The following GABRA1 variants were observed in gnomAD, a reference collection of about 807,000 sequenced individuals.
The protein encoded by GABRA1 is gamma-aminobutyric acid receptor subunit alpha-1.
In GABRA1, 9 loss-of-function variants were observed where a neutral mutation model predicts 48.9. The ratio of observed to expected loss-of-function variants is 0.18; its 90% CI spans 0.11 to 0.32. The LOEUF (loss-of-function observed/expected upper bound fraction) is 0.32, where lower values mean the gene tolerates loss of function less well. Ranked by LOEUF, GABRA1 falls within the 10% of genes least tolerant of loss-of-function variation. GABRA1 has a pLI of 1.00. For synonymous variants in GABRA1, 210 were observed against 198.7 expected, an observed-to-expected ratio of 1.06 and a Z score of -0.48; for missense variants, 285 against 553.8, an observed-to-expected ratio of 0.51 and a Z score of 4.87.
intron 8 of GABRA1, among the ~76,000 whole-genome samples, chr5:161,892,805 C>T (rs2113453142): frequency 6.6e-6 from 1 of 152,022 alleles, no homozygotes; most frequent in Admixed American, 6.5e-5. Flanking sequence ...GAGATCGAGA[C>T]CATCCTGGCC....
intron 3 of GABRA1, among the ~76,000 whole-genome samples, chr5:161,863,112 A>G (rs1561570083): frequency 6.6e-6 from 1 of 151,936 alleles, no homozygotes; most frequent in Non-Finnish European, 1.5e-5. Context: ...GGAAAAACAG[A>G]TACCTGTTGT....
chr5:161,891,100 T>C, intron 8 of GABRA1, 50 bp downstream of exon 8: 1 of 1,539,304 alleles, frequency 6.5e-7, no homozygotes. Flanking sequence ...GAAGACAAGT[T>C]ATGTCATATC....
chr5:161,865,698 C>T (rs771003009), intron 3 of GABRA1, 23 bp from the exon 4 acceptor site: 47 of 1,605,818 alleles, frequency 2.9e-5, no homozygotes, highest in African/African-American at 2.0e-4. Flanking sequence ...GACACTCACT[C>T]GCCCAATTTC....
At chr5:161,859,720 A>G (rs113645075) in intron 3 of GABRA1, among the ~76,000 whole-genome samples, 160 of 151,936 alleles carry the variant, frequency 1.1e-3, no homozygotes, top group African/African-American at 3.8e-3. Flanking sequence ...TAATGTCAAA[A>G]TATCTATTTT....
intron 7 of GABRA1, among the ~76,000 whole-genome samples, chr5:161,886,370 T>A (rs1754848548): frequency 6.6e-6 from 1 of 151,962 alleles, no homozygotes; most frequent in African/African-American, 2.4e-5. Context: ...TGTATGTATC[T>A]TTTTCATGAG....
chr5:161,854,160 A>G lies in GABRA1; in HGVS notation c.77A>G (p.Tyr26Cys), dbSNP rs1011798545. The G allele has an allele frequency of 3.2e-6, 5 of 1,558,492 alleles. No homozygotes were observed. The highest frequency in any genetic ancestry group is 1.1e-5 in the South Asian group (1 of 89,460). ...LLLSTLTGRS[Y>C]GQPSLQDELK... The stretch of plus-strand genomic sequence containing the variant: ...CTTCTCTTTATGTTTTTTTTCAGCT[A>G]TGGACAGCCGTCATTACAAGATGAA... Residue 26 changes from tyrosine to cysteine, a missense_variant and splice_region_variant, in exon 3 of 10, where the codon TAT becomes TGT. This residue lies in a region of GABRA1 where 45 missense variants were observed against 39.9 expected (regional missense o/e 1.13). Coordinates refer to ENST00000393943, the MANE Select transcript of GABRA1 (RefSeq NM_001127644.2).
intron 5 of GABRA1, 79 bp from the exon 6 acceptor site, chr5:161,875,466 AATATATTTGCTACAG>A: frequency 1.0e-6 from 1 of 978,106 alleles, no homozygotes; most frequent in Non-Finnish European, 1.7e-6. Flanking sequence ...CTTCTTTGTT[AATATATTTGCTACAG>A]TTAATAACAT....
intron 4 of GABRA1, among the ~76,000 whole-genome samples, chr5:161,871,152 G>C (rs1480974289): frequency 6.6e-6 from 1 of 151,940 alleles, no homozygotes; most frequent in Non-Finnish European, 1.5e-5. Flanking sequence ...ATTGCCTTTG[G>C]GATACATCTT....
chr5:161,865,207 C>T (rs1758005593), intron 3 of GABRA1, among the ~76,000 whole-genome samples: 1 of 151,898 alleles, frequency 6.6e-6, no homozygotes, highest in Non-Finnish European at 1.5e-5. Flanking sequence ...CATATTTTCC[C>T]CAGGGAATAA....
intron 7 of GABRA1, among the ~76,000 whole-genome samples, chr5:161,889,251 G>A (rs962031661): frequency 6.6e-6 from 1 of 151,932 alleles, no homozygotes; most frequent in African/African-American, 2.4e-5. Flanking sequence ...AGAAAATGGA[G>A]AAACAAATTA....
At chr5:161,892,645 T>C (rs1373342630) in intron 8 of GABRA1, among the ~76,000 whole-genome samples, 2 of 151,646 alleles carry the variant, frequency 1.3e-5, no homozygotes, top group African/African-American at 2.4e-5. Context: ...TCTGTATGAG[T>C]ATGCCTTTTT....
chr5:161,881,720 G>A (rs1754620712), intron 6 of GABRA1: 1 of 151,930 alleles, frequency 6.6e-6, no homozygotes. Flanking sequence ...TCTCTCATAT[G>A]CTTCACTCTA....
At position 161,897,254 on chromosome 5, in the gene GABRA1, G is replaced by A; in HGVS notation, c.1203G>A (p.Lys401=). The change falls in exon 10 of 10, where the codon AAG becomes AAA. Residue 401 remains lysine (K), a synonymous_variant. Coordinates refer to ENST00000393943, the MANE Select transcript of GABRA1 (RefSeq NM_001127644.2). ...KSATIEPKEV[K]PETKPPEPKK... ...CAACCATAGAACCTAAAGAGGTCAA[G>A]CCCGAAACAAAACCACCAGAACCCA... is the stretch of plus-strand genomic sequence containing the variant. 2 of 1,614,158 alleles carry A rather than the reference G, an allele frequency of 1.2e-6. No homozygotes were observed. Among genetic ancestry groups the A allele is most frequent in the African/African-American group, 1.3e-5 (1 of 75,048 alleles).
chr5:161,860,528 A>T (rs941097572), intron 3 of GABRA1, among the ~76,000 whole-genome samples: 1 of 151,780 alleles, frequency 6.6e-6, no homozygotes, highest in Admixed American at 6.6e-5. Context: ...GTACAAAAGA[A>T]AGTACAAAAA....
intron 9 of GABRA1, among the ~76,000 whole-genome samples, chr5:161,896,796 T>G (rs1406051116): frequency 6.6e-6 from 1 of 152,168 alleles, no homozygotes; most frequent in East Asian, 1.9e-4. Flanking sequence ...GGCTAAGAAA[T>G]TCTGTAGTAA....
At chr5:161,857,115 T>C (rs1757680359) in intron 3 of GABRA1, among the ~76,000 whole-genome samples, 1 of 151,318 alleles carries the variant, frequency 6.6e-6, no homozygotes, top group Non-Finnish European at 1.5e-5. Flanking sequence ...AGATTATCAT[T>C]AGCTTCTAAG....
At chr5:161,883,766 T>C (rs1442832155) in intron 7 of GABRA1, among the ~76,000 whole-genome samples, 1 of 152,142 alleles carries the variant, frequency 6.6e-6, no homozygotes, top group African/African-American at 2.4e-5. Context: ...ATTCCAATAA[T>C]AGGTCGACCT....
intron 9 of GABRA1, among the ~76,000 whole-genome samples, chr5:161,896,684 G>A (rs1047240777): frequency 4.6e-5 from 7 of 152,136 alleles, no homozygotes; most frequent in Non-Finnish European, 8.8e-5. Flanking sequence ...TTATTCTATA[G>A]AATATTAGTT....
intron 3 of GABRA1, among the ~76,000 whole-genome samples, chr5:161,854,993 A>G (rs1489762334): frequency 1.3e-5 from 2 of 151,566 alleles, no homozygotes; most frequent in Non-Finnish European, 3.0e-5. Flanking sequence ...AAGACTAATG[A>G]AGCCAAATCA....
Sources: allele counts gnomAD v4.1 joint callset (sites outside exome capture counted in the v4.1 genomes callset), GRCh38; gene constraint gnomAD v4.1.1; regional missense constraint gnomAD v4.1.1; transcripts MANE v1.5; gene names NCBI Gene and HGNC (gene_info 2026-07-23, HGNC 2026-07-21).